Variants in SRPK2 observed in about 807,000 individuals in gnomAD.
SRPK2 encodes SRSF protein kinase 2, also known as SFRS protein kinase 2.
A neutral mutation model predicts 90.8 loss-of-function variants in SRPK2; 21 were observed. The ratio of observed to expected loss-of-function variants is 0.23; its 90% confidence interval spans 0.16 to 0.33. The LOEUF is 0.33. Among genes scored for constraint, SRPK2 ranks in the 10% least tolerant of loss-of-function variants. The pLI, the probability that SRPK2 is intolerant of heterozygous loss-of-function variation, is 1.00. For synonymous variants in SRPK2, 288 were observed against 311.1 expected (o/e 0.93, Z 0.78); for missense variants, 620 against 869.0 (o/e 0.71, Z 3.60).
At chr7:105,367,055 AC>A (rs1329190691) in intron 2 of SRPK2, among the ~76,000 whole-genome samples, 1 of 145,830 alleles carries the variant, frequency 6.9e-6, no homozygotes, top group Non-Finnish European at 1.5e-5. Flanking sequence ...ATATGAGATC[AC>A]CTTTTTTTTT....
At chr7:105,183,451 G>A (rs561160303) in intron 3 of SRPK2, among the ~76,000 whole-genome samples, 5 of 152,028 alleles carry the variant, frequency 3.3e-5, no homozygotes, top group Admixed American at 6.6e-5. Context: ...ATATCAGATC[G>A]TAAATGGCTA....
rs765904494 is a variant in SRPK2 at position 105,244,775 on chromosome 7, G to A, written c.72-40990C>T. 6.1e-6 allele frequency: 6 copies of A among 985,910 alleles called. No homozygotes were observed. The East Asian group carries it at 7.1e-5, about 12-fold the overall frequency. The allele number at this position is 985,910 out of a possible 1,614,324, so 61.1% of individuals were successfully genotyped here. The stretch of plus-strand genomic sequence containing the variant: ...GACCAAACACACCAAGTTTGTGCGG[G>A]ACATGATCCCGGAGGCATGTGGCTT... On this transcript the variant is annotated intron_variant, in intron 2 of 15. Transcript: ENST00000393651.
At chr7:105,194,719 C>T (rs942195055) in intron 3 of SRPK2, among the ~76,000 whole-genome samples, 5 of 152,114 alleles carry the variant, frequency 3.3e-5, no homozygotes, top group Admixed American at 3.3e-4. Context: ...TGCAAAGGAT[C>T]GAGACAGGTC....
At chr7:105,284,268 G>C (rs1807737465) in intron 2 of SRPK2, among the ~76,000 whole-genome samples, 1 of 152,136 alleles carries the variant, frequency 6.6e-6, no homozygotes, top group African/African-American at 2.4e-5. Context: ...GAATGACTTT[G>C]CCAAGTGAAG....
intron 11 of SRPK2, among the ~76,000 whole-genome samples, chr7:105,138,892 T>C (rs980625447): frequency 6.6e-6 from 1 of 152,256 alleles, no homozygotes; most frequent in Admixed American, 6.5e-5. Flanking sequence ...TCTCAGAAGA[T>C]GAATGCTTAA....
At chr7:105,392,545 G>T (rs1822205752), upstream of SRPK2, among the ~76,000 whole-genome samples, 1 of 152,134 alleles carries the variant, frequency 6.6e-6, no homozygotes, top group Non-Finnish European at 1.5e-5. Flanking sequence ...TGGGCATCTT[G>T]CTCTGTTGCC....
intron 2 of SRPK2, among the ~76,000 whole-genome samples, chr7:105,356,402 C>T (rs898592426): frequency 2.6e-5 from 4 of 152,056 alleles, no homozygotes; most frequent in African/African-American, 4.8e-5. Context: ...AGGCCCATTT[C>T]GACTAGGATA....
chr7:105,326,706 C>G (rs1382041082), intron 2 of SRPK2, among the ~76,000 whole-genome samples: 1 of 152,194 alleles, frequency 6.6e-6, no homozygotes, highest in African/African-American at 2.4e-5. Flanking sequence ...AAATTTCTTT[C>G]CTGCTAAAAG....
intron 3 of SRPK2, among the ~76,000 whole-genome samples, chr7:105,191,920 T>C (rs904604104): frequency 3.3e-5 from 5 of 151,934 alleles, no homozygotes; most frequent in Non-Finnish European, 5.9e-5. Flanking sequence ...CTTAATATGT[T>C]GCCCAGGCTG....
rs559354358 is a variant in SRPK2 at position 105,215,639 on chromosome 7, CTAT to C, written c.72-11857_72-11855del. 2.1e-3 allele frequency among the ~76,000 whole-genome samples: 323 copies of C among 152,244 alleles called. 2 individuals are homozygous for C. The highest frequency in any genetic ancestry group is 7.5e-3 in the African/African-American group (311 of 41,542). On this transcript the variant is annotated intron_variant, in intron 2 of 15. Transcript: ENST00000393651. Reference sequence around the variant, plus strand: ...AATGTGGTATATCCAATACAACAGACTATTACTCAACAATAAAAAGAAATGAAG... The same window carrying C: ...AATGTGGTATATCCAATACAACAGACTACTCAACAATAAAAAGAAATGAAG...
At chr7:105,285,833 C>T (rs1268702298) in intron 2 of SRPK2, among the ~76,000 whole-genome samples, 3 of 152,154 alleles carry the variant, frequency 2.0e-5, no homozygotes, top group Non-Finnish European at 2.9e-5. Flanking sequence ...CCTGCAGAAC[C>T]GCGAGCCAAT....
intron 13 of SRPK2, among the ~76,000 whole-genome samples, chr7:105,127,686 G>A: frequency 6.6e-6 from 1 of 152,136 alleles, no homozygotes; most frequent in East Asian, 1.9e-4. Flanking sequence ...TTCCTGGGTG[G>A]CCACTGGCTG....
At chr7:105,327,045 C>A (rs895781912) in intron 2 of SRPK2, among the ~76,000 whole-genome samples, 19 of 140,054 alleles carry the variant, frequency 1.4e-4, no homozygotes, top group African/African-American at 4.8e-4. Context: ...CCAACCTGGG[C>A]GACAAGAGCA....
chr7:105,203,451 A>G (rs962368366), intron 3 of SRPK2, among the ~76,000 whole-genome samples, 177 bp downstream of exon 3: 1 of 152,162 alleles, frequency 6.6e-6, no homozygotes, highest in South Asian at 2.1e-4. Flanking sequence ...ATATTTTCTG[A>G]TATCAGTCTC....
At chr7:105,173,522 C>A (rs1791422836) in intron 3 of SRPK2, among the ~76,000 whole-genome samples, 1 of 152,164 alleles carries the variant, frequency 6.6e-6, no homozygotes, top group Admixed American at 6.5e-5. Context: ...CCAGACCACA[C>A]TAACCTAATA....
chr7:105,376,203 T>C (rs1017818271), intron 2 of SRPK2, among the ~76,000 whole-genome samples: 11 of 151,810 alleles, frequency 7.2e-5, no homozygotes, highest in Non-Finnish European at 1.2e-4. Flanking sequence ...TTCACCATGT[T>C]AGCCAGGATG....
At chr7:105,132,754 C>T (rs1802205060) in intron 13 of SRPK2, 37 bp downstream of exon 13, 1 of 1,538,954 alleles carries the variant, frequency 6.5e-7, no homozygotes. Context: ...AGGAACGAGC[C>T]AATTCCCATG....
chr7:105,396,794 G>A (rs989969467), intron 1 of SRPK2, among the ~76,000 whole-genome samples: 10 of 111,188 alleles, frequency 9.0e-5, no homozygotes, highest in Non-Finnish European at 1.8e-4. Context: ...AAGAAAGAAA[G>A]AGAAAGAGAA....
Position 105,301,917 on chromosome 7 carries a change from C to T in SRPK2, c.71+86731G>A, listed in dbSNP as rs1810597663. 5 of 1,608,594 alleles carry T rather than the reference C, an allele frequency of 3.1e-6. No homozygotes were observed. In the East Asian group the frequency reaches 6.7e-5, roughly 22 times the overall value. On this transcript the variant is annotated intron_variant, in intron 2 of 15. Transcript: ENST00000393651. ...AGCAATATCATCTCAATTGAAACTC[C>T]TAATACAGCCCCATCAAGTAAGAAA... is the stretch of plus-strand genomic sequence containing the variant.
Sources: gnomAD v4.1 joint callset for allele counts (sites outside exome capture counted in the v4.1 genomes callset) on GRCh38, gnomAD v4.1.1 for gene constraint, MANE v1.5 for transcripts, NCBI Gene and HGNC (gene_info 2026-07-23, HGNC 2026-07-21) for gene names.